The following TPTE variants were observed in gnomAD, a reference collection of about 807,000 sequenced individuals.
TPTE encodes the protein putative tyrosine-protein phosphatase TPTE.
A neutral mutation model predicts 84.1 loss-of-function variants in TPTE; 59 were observed. The ratio of observed to expected loss-of-function variants is 0.70; its 90% confidence interval spans 0.57 to 0.87. TPTE has a LOEUF of 0.87. Among genes scored for constraint, TPTE ranks in the 40% least tolerant of loss-of-function variants. The probability of loss-of-function intolerance (pLI) is 0.00; values close to 1 mark genes in which losing one functional copy is unlikely to be tolerated. For missense variants in TPTE, 382 were observed against 659.6 expected, an observed-to-expected ratio of 0.58 and a Z score of 4.61; for synonymous variants, 130 against 223.5, an observed-to-expected ratio of 0.58 and a Z score of 3.73.
chr21:10,579,188 A>T (rs1352833910), intron 17 of TPTE, among the ~76,000 whole-genome samples: 1 of 152,308 alleles, frequency 6.6e-6, no homozygotes, highest in Non-Finnish European at 1.5e-5. Flanking sequence ...AAATTTCCTG[A>T]ACTTATTCTT....
chr21:10,596,798 CACAG>C (rs1568780811), intron 20 of TPTE, among the ~76,000 whole-genome samples: 3 of 152,312 alleles, frequency 2.0e-5, no homozygotes, highest in African/African-American at 7.2e-5. Context: ...CTGGTGTCCA[CACAG>C]ACAGCCTAGT....
chr21:10,530,868 C>T (rs1175523832), intron 3 of TPTE, among the ~76,000 whole-genome samples: 3 of 152,308 alleles, frequency 2.0e-5, no homozygotes, highest in African/African-American at 4.8e-5. Context: ...TAGATGGTAA[C>T]ATATTGCATT....
At chr21:10,597,930 A>C in intron 20 of TPTE, 85 bp from the exon 21 acceptor site, 1 of 1,526,646 alleles carries the variant, frequency 6.6e-7, no homozygotes, top group Non-Finnish European at 9.0e-7. Context: ...ATTTTTTCTC[A>C]TTTTAATCCA....
intron 7 of TPTE, among the ~76,000 whole-genome samples, chr21:10,549,900 G>T (rs1306864000): frequency 3.9e-5 from 6 of 152,294 alleles, no homozygotes; most frequent in Admixed American, 3.9e-4. Flanking sequence ...AAAAGACAAA[G>T]ATTTTTTAAA....
In TPTE at chr21:10,539,174, CAGAA is replaced by C. The variant is rs374404351; in HGVS notation, c.11+443_11+446del. ...TGAGTTTGAGAGCCTACCAGATTGA[CAGAA>C]AGGAGGAGAAAATCCTATTTGCAAC... is the stretch of plus-strand genomic sequence containing the variant. On this transcript the variant is annotated intron_variant, in intron 4 of 23. Transcript: ENST00000618007. Among the ~76,000 whole-genome samples the C allele has an allele frequency of 1.9e-3, 294 of 152,246 alleles. No homozygotes were observed. In the East Asian group the frequency reaches 0.056, roughly 29 times the overall value.
At chr21:10,563,060 G>T (rs2074840975) in intron 10 of TPTE, among the ~76,000 whole-genome samples, 1 of 152,310 alleles carries the variant, frequency 6.6e-6, no homozygotes, top group Admixed American at 6.5e-5. Flanking sequence ...TCTGGCAGCA[G>T]ACTCTTTAGT....
intron 4 of TPTE, 71 bp downstream of exon 4, chr21:10,538,805 C>A: frequency 6.2e-7 from 1 of 1,613,828 alleles, no homozygotes; most frequent in African/African-American, 1.3e-5. Context: ...CAGACACAGG[C>A]ACATAAACAA....
chr21:10,556,509 G>T (rs570238750), intron 8 of TPTE, among the ~76,000 whole-genome samples: 4 of 152,304 alleles, frequency 2.6e-5, no homozygotes, highest in African/African-American at 7.2e-5. Context: ...ACATACGTGT[G>T]CATGTGTCTT....
At chr21:10,599,232 TA>T (rs1450764931) in intron 21 of TPTE, among the ~76,000 whole-genome samples, 1 of 152,310 alleles carries the variant, frequency 6.6e-6, no homozygotes, top group Non-Finnish European at 1.5e-5. Context: ...CTCTGTTGAT[TA>T]TGCCTTTGAC....
chr21:10,543,908 C>T (rs568027124), intron 7 of TPTE, among the ~76,000 whole-genome samples: 1 of 152,424 alleles, frequency 6.6e-6, no homozygotes, highest in South Asian at 2.1e-4. Context: ...ATGGACTTGT[C>T]CCACACACTC....
chr21:10,567,630 CA>C (rs755805615), intron 10 of TPTE, 39 bp from the exon 11 acceptor site: 1 of 1,605,800 alleles, frequency 6.2e-7, no homozygotes, highest in Non-Finnish European at 8.5e-7. Context: ...TCTCTTCTTG[CA>C]GGGGGGAATG....
chr21:10,596,405 G>GGGA (rs761061188), intron 20 of TPTE, among the ~76,000 whole-genome samples: 43 of 152,370 alleles, frequency 2.8e-4, no homozygotes, highest in Non-Finnish European at 4.1e-4. Flanking sequence ...CCTCTGATGA[G>GGGA]GGAGGAGGAG....
At chr21:10,582,605 A>T (rs2075290204) in intron 17 of TPTE, among the ~76,000 whole-genome samples, 1 of 152,308 alleles carries the variant, frequency 6.6e-6, no homozygotes. Context: ...ATAATATTTT[A>T]TACTTTTTTA....
At chr21:10,533,822 A>C (rs1286413044) in intron 3 of TPTE, among the ~76,000 whole-genome samples, 2 of 152,306 alleles carry the variant, frequency 1.3e-5, no homozygotes, top group African/African-American at 4.8e-5. Flanking sequence ...TAAATTTAAG[A>C]GTTTAATAGT....
chr21:10,528,968 C>CGAGGTCA (rs1461097125), intron 3 of TPTE, among the ~76,000 whole-genome samples: 1 of 152,282 alleles, frequency 6.6e-6, no homozygotes, highest in East Asian at 1.9e-4. Flanking sequence ...AGGTGGACCA[C>CGAGGTCA]GAGGTCAGGA....
In TPTE at chr21:10,595,959, GGAAGATTTCTGTTGCTTTTCA is replaced by G; in HGVS notation, c.1171-17_1174del. On this transcript the variant is annotated splice_acceptor_variant and splice_polypyrimidine_tract_variant and intron_variant, in intron 19 of 23. Transcript: ENST00000618007. LOFTEE classifies it high-confidence loss of function. The stretch of plus-strand genomic sequence containing the variant: ...TTTAGACTTTTCATCTCCACTTAAA[GGAAGATTTCTGTTGCTTTTCA>G]GAAGAGATATGTTGCATATTTTGCA... 1 of 1,610,518 alleles carries G rather than the reference GGAAGATTTCTGTTGCTTTTCA, an allele frequency of 6.2e-7. No individual in the cohort carries two copies.
chr21:10,531,203 A>G (rs1183200983), intron 3 of TPTE, among the ~76,000 whole-genome samples: 69 of 152,404 alleles, frequency 4.5e-4, no homozygotes, highest in African/African-American at 1.6e-3. Context: ...CCCAAACCGT[A>G]TGTTGAAATT....
intron 7 of TPTE, among the ~76,000 whole-genome samples, chr21:10,549,657 A>G (rs2074536402): frequency 6.6e-6 from 1 of 152,306 alleles, no homozygotes; most frequent in Non-Finnish European, 1.5e-5. Flanking sequence ...AAAAAAGGAT[A>G]AAAAAGAATG....
intron 17 of TPTE, among the ~76,000 whole-genome samples, chr21:10,582,373 T>TA: frequency 6.6e-6 from 1 of 152,312 alleles, no homozygotes; most frequent in Non-Finnish European, 1.5e-5. Flanking sequence ...CACACTTTTG[T>TA]AATTATTGTA....
Sources: gnomAD v4.1 joint callset for allele counts (sites outside exome capture counted in the v4.1 genomes callset) on GRCh38, gnomAD v4.1.1 for gene constraint, MANE v1.5 for transcripts, NCBI Gene and HGNC (gene_info 2026-07-23, HGNC 2026-07-21) for gene names.